The following FRMD4B variants were observed in gnomAD, a reference collection of about 807,000 sequenced individuals.
FRMD4B encodes the protein FERM domain containing 4B, also known as FERM domain-containing protein 4B.
In FRMD4B, 74 loss-of-function variants were observed where a neutral mutation model predicts 141.5. That is an observed-to-expected ratio of 0.52 (90% CI 0.43 to 0.63). FRMD4B has a LOEUF of 0.63. Among genes scored for constraint, FRMD4B ranks in the 30% least tolerant of loss-of-function variants. FRMD4B has a pLI of 0.00. For missense variants in FRMD4B, 1,366 were observed against 1,253.4 expected, an observed-to-expected ratio of 1.09 and a Z score of -1.36; for synonymous variants, 506 against 467.9, an observed-to-expected ratio of 1.08 and a Z score of -1.05.
intron 4 of FRMD4B, among the ~76,000 whole-genome samples, chr3:69,291,533 C>A (rs1023322157): frequency 5.3e-5 from 8 of 152,092 alleles, no homozygotes; most frequent in Non-Finnish European, 7.3e-5. Flanking sequence ...ATGGGTGAGA[C>A]CTGCTTGGGG....
At chr3:69,435,934 C>A (rs976154179) in intron 1 of FRMD4B, among the ~76,000 whole-genome samples, 11 of 152,148 alleles carry the variant, frequency 7.2e-5, no homozygotes, top group Admixed American at 3.9e-4. Context: ...TCAAGCACTA[C>A]ATAAAAGGCT....
chr3:69,457,249 AT>A (rs1348761820), intron 1 of FRMD4B, among the ~76,000 whole-genome samples: 4 of 152,170 alleles, frequency 2.6e-5, no homozygotes, highest in Non-Finnish European at 5.9e-5. Flanking sequence ...GGATGGTTAT[AT>A]TTTTGTAATG....
intron 1 of FRMD4B, chr3:69,536,514 C>T (rs776501574): frequency 3.0e-5 from 21 of 697,784 alleles, no homozygotes; most frequent in Non-Finnish European, 4.0e-5. Context: ...CAGCCTGCAG[C>T]GCCTCTACCA....
chr3:69,455,698 C>G (rs1705591547), intron 1 of FRMD4B, among the ~76,000 whole-genome samples: 1 of 152,128 alleles, frequency 6.6e-6, no homozygotes, highest in East Asian at 1.9e-4. Flanking sequence ...ACAAGGTGAC[C>G]CCAAGTGTGG....
rs2093241570 is a variant in FRMD4B, at chr3:69,225,459, A to C, written c.582-769T>G. On this transcript the variant is annotated intron_variant, in intron 7 of 22. Coordinates refer to ENST00000398540, the MANE Select transcript of FRMD4B (RefSeq NM_015123.3). ...GGGAGGCCAAGGCGGGCAGATCACA[A>C]GGTCAGGAGATTGAGACCATCCTGG... Among the ~76,000 whole-genome samples the C allele has an allele frequency of 2.8e-5, 4 of 142,118 alleles. No homozygotes were observed. In the Admixed American group the frequency reaches 3.2e-4, roughly 11 times the overall value. The allele number at this position is 142,118 out of a possible 152,430, so 93.2% of individuals were successfully genotyped here. A position where few individuals can be genotyped will look rare whatever the true frequency, so the allele number is the denominator to read the frequency against.
chr3:69,437,519 T>C (rs1242907729), intron 1 of FRMD4B, among the ~76,000 whole-genome samples: 2 of 145,082 alleles, frequency 1.4e-5, no homozygotes, highest in Non-Finnish European at 3.0e-5. Flanking sequence ...TTATATGTAG[T>C]ATGTATTATA....
chr3:69,519,111 G>C (rs751951263), intron 1 of FRMD4B, among the ~76,000 whole-genome samples: 2 of 152,112 alleles, frequency 1.3e-5, no homozygotes, highest in Non-Finnish European at 1.5e-5. Context: ...CCATTTCTTT[G>C]TTTGTTTTTA....
chr3:69,354,373 AG>A (rs1374225696), intron 1 of FRMD4B, among the ~76,000 whole-genome samples: 1 of 152,174 alleles, frequency 6.6e-6, no homozygotes, highest in Non-Finnish European at 1.5e-5. Flanking sequence ...ACTAAGTAAA[AG>A]TTTGTGACAG....
chr3:69,473,946 C>T (rs1705936898), intron 1 of FRMD4B, among the ~76,000 whole-genome samples: 1 of 152,108 alleles, frequency 6.6e-6, no homozygotes, highest in Non-Finnish European at 1.5e-5. Context: ...TTCTCCCATC[C>T]CAGCCGTATC....
At chr3:69,435,525 T>C (rs1705246609) in intron 1 of FRMD4B, among the ~76,000 whole-genome samples, 1 of 152,236 alleles carries the variant, frequency 6.6e-6, no homozygotes, top group South Asian at 2.1e-4. Flanking sequence ...GTATTGATTG[T>C]CTATGGCTGT....
chr3:69,207,831 T>C (rs1482480342), intron 11 of FRMD4B, among the ~76,000 whole-genome samples: 2 of 151,376 alleles, frequency 1.3e-5, no homozygotes, highest in Non-Finnish European at 2.9e-5. Flanking sequence ...GAAAAAACAA[T>C]GGACATCTGA....
At position 69,509,259 on chromosome 3, in the gene FRMD4B, C is replaced by T. The variant is rs192878283; in HGVS notation, c.-129+32947G>A. ...ACCTCCCCTGGAACGGAAGCGATCG[C>T]TTGCAGTGCCATCTAACTCTACGTC... On this transcript the variant is annotated intron_variant, in intron 1 of 5. Coordinates refer to the FRMD4B transcript ENST00000459638. Among the ~76,000 whole-genome samples, 249 of 152,310 alleles carry T rather than the reference C, an allele frequency of 1.6e-3. 1 individual carries two copies. Among genetic ancestry groups the T allele is most frequent in the African/African-American group, 5.7e-3 (238 of 41,578 alleles).
At chr3:69,208,451 C>T (rs5028095) in intron 11 of FRMD4B, among the ~76,000 whole-genome samples, 105,379 of 152,026 alleles carry the variant, frequency 0.69, 38,142 homozygotes, top group Non-Finnish European at 0.79. Context: ...CCGCCTACGT[C>T]GGCTTCCCAA....
Position 69,311,337 on chromosome 3 carries a change from C to T in FRMD4B, c.249G>A (p.Glu83=), listed in dbSNP as rs371727297. 36 of 1,599,806 alleles carry T rather than the reference C, an allele frequency of 2.3e-5. No individual in the cohort carries two copies. The highest frequency in any genetic ancestry group is 3.3e-5 in the Admixed American group (2 of 59,802). The part of the protein sequence containing the change: ...LLVQPKLLAR[E]LLDLVASHFN... ...AATGTGAAGCCACTAGGTCCAGCAA[C>T]TCTCTTGCTAGAAGTTTGGGCTGTC... Residue 83 remains glutamate, a synonymous_variant, in exon 3 of 23, where the codon GAG becomes GAA. Transcript: ENST00000398540.
intron 1 of FRMD4B, among the ~76,000 whole-genome samples, chr3:69,375,173 A>G (rs889107946): frequency 3.2e-4 from 47 of 146,856 alleles, no homozygotes; most frequent in Non-Finnish European, 1.0e-4. Context: ...CCACCCACCC[A>G]CCCACTTACC....
At chr3:69,508,243 C>A (rs1706631581) in intron 1 of FRMD4B, among the ~76,000 whole-genome samples, 1 of 151,948 alleles carries the variant, frequency 6.6e-6, no homozygotes, top group African/African-American at 2.4e-5. Context: ...AAAATAAAAA[C>A]TTTTATTTTA....
chr3:69,279,352 C>T (rs915718637), intron 5 of FRMD4B, among the ~76,000 whole-genome samples: 7 of 152,132 alleles, frequency 4.6e-5, no homozygotes, highest in South Asian at 4.2e-4. Context: ...CTATTTATGC[C>T]GCCAGTTCCT....
chr3:69,455,294 A>C (rs962164643), intron 1 of FRMD4B, among the ~76,000 whole-genome samples: 1 of 152,216 alleles, frequency 6.6e-6, no homozygotes, highest in Non-Finnish European at 1.5e-5. Context: ...CTGTTTACAT[A>C]ATGTGGGAGG....
intron 1 of FRMD4B, among the ~76,000 whole-genome samples, chr3:69,463,002 C>G (rs1705729207): frequency 6.6e-6 from 1 of 152,232 alleles, no homozygotes; most frequent in Non-Finnish European, 1.5e-5. Context: ...TATTCACACT[C>G]ACACCTGCTT....
Sources: allele counts gnomAD v4.1 joint callset (sites outside exome capture counted in the v4.1 genomes callset), GRCh38; gene constraint gnomAD v4.1.1; transcripts MANE v1.5; gene names NCBI Gene and HGNC (gene_info 2026-07-23, HGNC 2026-07-21).